TUBE1: variants seen among roughly 807,000 people sequenced by gnomAD.
TUBE1 encodes tubulin epsilon 1.
A neutral mutation model predicts 53.5 loss-of-function variants in TUBE1; 34 were observed. That is an observed-to-expected ratio of 0.64 (90% CI 0.48 to 0.85). The LOEUF (loss-of-function observed/expected upper bound fraction) is 0.85, where lower values mean the gene tolerates loss of function less well. TUBE1 is among the 40% of genes least tolerant of loss of function. The pLI, the probability that TUBE1 is intolerant of heterozygous loss-of-function variation, is 0.00. For synonymous variants in TUBE1, 177 were observed against 198.4 expected, an observed-to-expected ratio of 0.89 and a Z score of 0.91; for missense variants, 532 against 570.5, an observed-to-expected ratio of 0.93 and a Z score of 0.69.
At position 112,076,412 on chromosome 6, in the gene TUBE1, C is replaced by T; in HGVS notation, c.546G>A (p.Glu182=). 7.4e-6 allele frequency: 12 copies of T among 1,613,636 alleles called. No homozygotes were observed. The highest frequency in any genetic ancestry group is 1.0e-5 in the Non-Finnish European group (12 of 1,179,820). Residue 182 remains glutamate, a synonymous_variant, in exon 7 of 12, where the codon GAG becomes GAA. Transcript: ENST00000368662. ...RFVTSIYPSG[E]DDVITSPYNS... is the part of the protein sequence containing the mutation. ...TATAAGGTGAGGTTATGACATCATC[C>T]TCACCAGAAGGATAAATGGAAGTCA... is the stretch of plus-strand genomic sequence containing the variant.
At position 112,076,086 on chromosome 6, in the gene TUBE1, G is replaced by A. The variant is rs34776116; in HGVS notation, c.663C>T (p.Ile221=). Residue 221 remains isoleucine, a synonymous_variant, in exon 8 of 12, where the codon ATC becomes ATT. Transcript: ENST00000368662. The stretch of plus-strand genomic sequence containing the variant: ...ACTTTCCAGAATTCACCATGAGGTC[G>A]ATTTTGCTAATGATGTCAAATAAAG... ...NQSLFDIISK[I]DLMVNSGKLG... is the part of the protein sequence containing the mutation. 2.9e-3 allele frequency: 4,737 copies of A among 1,612,622 alleles called. 28 individuals carry two copies. The highest frequency in any genetic ancestry group is 0.011 in the South Asian group (999 of 90,778).
chr6:112,083,154 A>G (rs1192523986), intron 4 of TUBE1, among the ~76,000 whole-genome samples: 1 of 151,842 alleles, frequency 6.6e-6, no homozygotes, highest in African/African-American at 2.4e-5. Context: ...TTAGTCAATT[A>G]TTGTAACAGC....
chr6:112,071,645 A>G (rs907331959), intron 11 of TUBE1, 75 bp from the exon 12 acceptor site: 2 of 1,236,750 alleles, frequency 1.6e-6, no homozygotes, highest in Non-Finnish European at 2.2e-6. Flanking sequence ...AAAGGTAAAT[A>G]TTCCTTATTA....
At chr6:112,085,760 A>G (rs587665478) in intron 3 of TUBE1, 2 of 469,388 alleles carry the variant, frequency 4.3e-6, no homozygotes, top group South Asian at 3.1e-5. Flanking sequence ...AAGATAAAGT[A>G]ATGTGCCTAT....
chr6:112,077,721 C>T (rs1438816142), intron 6 of TUBE1: 1 of 151,860 alleles, frequency 6.6e-6, no homozygotes, highest in Non-Finnish European at 1.5e-5. Context: ...ATGAGAAGGA[C>T]TTTCTAAGCG....
intron 6 of TUBE1, chr6:112,077,700 G>A (rs1554316257): frequency 6.6e-6 from 1 of 151,708 alleles, no homozygotes; most frequent in African/African-American, 2.4e-5. Context: ...AGATTCTTGG[G>A]GTGATCTTTA....
At chr6:112,076,255 C>A in intron 7 of TUBE1, 67 bp downstream of exon 7, 3 of 1,474,012 alleles carry the variant, frequency 2.0e-6, no homozygotes, top group South Asian at 1.4e-5. Flanking sequence ...TTCATATAAA[C>A]ACACATACAT....
chr6:112,071,954 T>C lies in TUBE1; in HGVS notation c.1217A>G (p.Lys406Arg). ...LLALANNTCVKPTFMELKERF... is the reference protein window; with the variant it reads ...LLALANNTCVRPTFMELKERF... ...CTCTTTCAGTTCCATGAAGGTGGGC[T>C]TCACACATGTGTTATTTGCTAAAGC... is the stretch of plus-strand genomic sequence containing the variant. The change falls in exon 11 of 12, where the codon AAG becomes AGG. Residue 406 changes from lysine (K) to arginine (R), a missense_variant. By Grantham distance (26) the Lys-to-Arg change is conservative (BLOSUM62 2). Coordinates refer to ENST00000368662, the MANE Select transcript of TUBE1 (RefSeq NM_016262.5). The C allele has an allele frequency of 6.2e-7, 1 of 1,612,072 alleles. No homozygotes were observed. Among genetic ancestry groups the C allele is most frequent in the Non-Finnish European group, 8.5e-7 (1 of 1,179,400 alleles).
intron 6 of TUBE1, chr6:112,078,009 T>C (rs1240555690): frequency 2.0e-5 from 3 of 152,046 alleles, no homozygotes; most frequent in Admixed American, 2.0e-4. Context: ...GAAGTAAAGA[T>C]GCTCAACCTT....
intron 9 of TUBE1, among the ~76,000 whole-genome samples, chr6:112,074,267 G>A (rs1397845903): frequency 6.6e-6 from 1 of 151,512 alleles, no homozygotes; most frequent in Admixed American, 6.6e-5. Flanking sequence ...AACATACAGA[G>A]TTACATCTGA....
chr6:112,085,561 G>A, intron 3 of TUBE1: 1 of 418,892 alleles, frequency 2.4e-6, no homozygotes, highest in Non-Finnish European at 4.9e-6. Flanking sequence ...AGTCTCCTAA[G>A]AGAATTTAGA....
chr6:112,072,646 C>A, intron 10 of TUBE1, 112 bp downstream of exon 10: 1 of 1,100,266 alleles, frequency 9.1e-7, no homozygotes, highest in South Asian at 1.8e-5. Context: ...TGTTCACAGT[C>A]ACACTTTAGT....
intron 5 of TUBE1, among the ~76,000 whole-genome samples, chr6:112,080,824 T>C (rs1285834055): frequency 1.3e-5 from 2 of 152,108 alleles, no homozygotes; most frequent in African/African-American, 2.4e-5. Context: ...CTTAAAACAT[T>C]TGTCATTATT....
rs144765128 is a variant in TUBE1 at position 112,084,276 on chromosome 6, T to C, written c.153-30A>G. On this transcript the variant is annotated intron_variant, in intron 3 of 11. Coordinates refer to ENST00000368662, the MANE Select transcript of TUBE1 (RefSeq NM_016262.5). Reference sequence around the variant, plus strand: ...AAGATAAAAAAATGAGAAATGGTCATAAGATCTTCCATGGCTAATAGCACT... The same window carrying C: ...AAGATAAAAAAATGAGAAATGGTCACAAGATCTTCCATGGCTAATAGCACT... 2.3e-4 allele frequency: 363 copies of C among 1,582,256 alleles called. No homozygotes were observed. The African/African-American group carries it at 3.5e-3, about 15-fold the overall frequency.
At position 112,075,064 on chromosome 6, in the gene TUBE1, C is replaced by CTTTTTTTTTTTTTTTTTT. The variant is rs781833721; in HGVS notation, c.813-215_813-214insAAAAAAAAAAAAAAAAAA. The CTTTTTTTTTTTTTTTTTT allele has an allele frequency of 1.8e-5, 3 of 164,854 alleles. 1 individual carries two copies. The highest frequency in any genetic ancestry group is 3.3e-5 in the African/African-American group (1 of 30,728). 10.2% of individuals were successfully genotyped at this position (164,854 alleles called of 1,614,324 possible). ...CACACAACATCTACATTTTTTTTTT[C>CTTTTTTTTTTTTTTTTTT]TTTCTTTTTTTTTTTTTTTTGAGAC... On this transcript the variant is annotated intron_variant, in intron 8 of 11. Transcript: ENST00000368662.
intron 4 of TUBE1, 142 bp from the exon 5 acceptor site, chr6:112,081,349 G>A: frequency 2.4e-6 from 1 of 424,722 alleles, no homozygotes; most frequent in Non-Finnish European, 4.1e-6. Flanking sequence ...AGAATCTGTT[G>A]TAAAAATTAA....
chr6:112,071,936 A>G lies in TUBE1; in HGVS notation c.1235T>C (p.Leu412Pro). Residue 412 changes from leucine (L) to proline (P), a missense_variant, in exon 11 of 12, where the codon CTG (leucine) becomes CCG (proline). Transcript: ENST00000368662. Reference sequence around the variant, plus strand: ...GTAGAGCCTCATGAATCTCTCTTTCAGTTCCATGAAGGTGGGCTTCACACA... The same window carrying G: ...GTAGAGCCTCATGAATCTCTCTTTCGGTTCCATGAAGGTGGGCTTCACACA... The part of the protein sequence containing the change: ...NTCVKPTFME[L>P]KERFMRLYKK... 2 of 1,609,190 alleles carry G rather than the reference A, an allele frequency of 1.2e-6. No homozygotes were observed. The highest frequency in any genetic ancestry group is 1.7e-6 in the Non-Finnish European group (2 of 1,178,796).
At chr6:112,080,098 A>G (rs898421257) in intron 5 of TUBE1, among the ~76,000 whole-genome samples, 14 of 152,064 alleles carry the variant, frequency 9.2e-5, no homozygotes, top group Admixed American at 2.0e-4. Flanking sequence ...TCTCCATTTA[A>G]GGCAAACTCT....
chr6:112,078,496 G>C (rs587711144), intron 6 of TUBE1: 15 of 152,078 alleles, frequency 9.9e-5, no homozygotes, highest in African/African-American at 3.6e-4. Flanking sequence ...GCTTTGATAG[G>C]CATAGAATAT....
Sources: gnomAD v4.1 joint callset for allele counts (sites outside exome capture counted in the v4.1 genomes callset) on GRCh38, gnomAD v4.1.1 for gene constraint, MANE v1.5 for transcripts, NCBI Gene and HGNC (gene_info 2026-07-23, HGNC 2026-07-21) for gene names.